The following THSD7B variants were observed in gnomAD, a reference collection of about 807,000 sequenced individuals.
The protein encoded by THSD7B is thrombospondin type 1 domain containing 7B, also known as thrombospondin type-1 domain-containing protein 7B.
THSD7B carries 138 observed loss-of-function variants against 213.6 expected under a neutral mutation model. The ratio of observed to expected loss-of-function variants is 0.65; its 90% CI spans 0.56 to 0.74. The LOEUF (loss-of-function observed/expected upper bound fraction) is 0.74, where lower values mean the gene tolerates loss of function less well. Ranked by LOEUF, THSD7B falls within the 30% of genes least tolerant of loss-of-function variation. The probability of loss-of-function intolerance (pLI) is 0.00; values close to 1 mark genes in which losing one functional copy is unlikely to be tolerated. For synonymous variants in THSD7B, 742 were observed against 687.0 expected (o/e 1.08, Z -1.25); for missense variants, 1,931 against 1,991.5 (o/e 0.97, Z 0.58).
At chr2:137,615,157 C>G (rs564442089) in intron 17 of THSD7B, among the ~76,000 whole-genome samples, 29 of 152,044 alleles carry the variant, frequency 1.9e-4, no homozygotes, top group African/African-American at 6.5e-4. Context: ...ATCCAACATG[C>G]CCTAAAGGAA....
At chr2:137,269,052 C>T (rs1328724289) in intron 10 of THSD7B, among the ~76,000 whole-genome samples, 2 of 152,164 alleles carry the variant, frequency 1.3e-5, no homozygotes, top group East Asian at 1.9e-4. Flanking sequence ...CACATACACA[C>T]ACAAACACAC....
intron 12 of THSD7B, among the ~76,000 whole-genome samples, chr2:137,402,505 T>C (rs1686392734): frequency 6.6e-6 from 1 of 152,008 alleles, no homozygotes; most frequent in South Asian, 2.1e-4. Flanking sequence ...AAATAATTTA[T>C]TATAATTGAA....
At chr2:137,262,295 G>A (rs963681822) in intron 10 of THSD7B, among the ~76,000 whole-genome samples, 1 of 152,028 alleles carries the variant, frequency 6.6e-6, no homozygotes, top group Non-Finnish European at 1.5e-5. Context: ...TATCTTAGAT[G>A]ACATTTGTGC....
At chr2:137,516,810 G>T (rs1314241813) in intron 15 of THSD7B, among the ~76,000 whole-genome samples, 1 of 152,188 alleles carries the variant, frequency 6.6e-6, no homozygotes, top group Non-Finnish European at 1.5e-5. Flanking sequence ...CATTAGAGCT[G>T]CCTCTACCTA....
At chr2:137,484,101 T>C (rs1313120302) in intron 15 of THSD7B, among the ~76,000 whole-genome samples, 1 of 151,758 alleles carries the variant, frequency 6.6e-6, no homozygotes, top group East Asian at 1.9e-4. Context: ...ACATGTGCCA[T>C]GCTGGTGTGC....
At chr2:136,770,986 G>A (rs1681495367) in intron 1 of THSD7B, among the ~76,000 whole-genome samples, 3 of 152,064 alleles carry the variant, frequency 2.0e-5, no homozygotes, top group Non-Finnish European at 4.4e-5. Context: ...AAGAGGAAGA[G>A]CCAAATTTCT....
chr2:137,285,311 G>T (rs879409982), intron 12 of THSD7B, among the ~76,000 whole-genome samples: 6 of 152,040 alleles, frequency 3.9e-5, no homozygotes, highest in Non-Finnish European at 7.3e-5. Context: ...CGTAAGATGG[G>T]TTTCCTGAAT....
At chr2:136,845,903 C>T (rs1243234006) in intron 1 of THSD7B, among the ~76,000 whole-genome samples, 1 of 152,090 alleles carries the variant, frequency 6.6e-6, no homozygotes, top group Non-Finnish European at 1.5e-5. Context: ...ATATAGCTCC[C>T]ACAGTATGTT....
intron 1 of THSD7B, among the ~76,000 whole-genome samples, chr2:136,822,783 A>G (rs1357787627): frequency 6.6e-6 from 1 of 152,204 alleles, no homozygotes; most frequent in African/African-American, 2.4e-5. Context: ...GGAGAGTCCT[A>G]CCTGCATTCA....
At chr2:136,798,039 A>T (rs1682104608) in intron 1 of THSD7B, among the ~76,000 whole-genome samples, 1 of 151,628 alleles carries the variant, frequency 6.6e-6, no homozygotes, top group Admixed American at 6.6e-5. Context: ...TTTCTTTCCC[A>T]TGCTCTCTCT....
At chr2:137,055,073 T>C (rs1415093603) in intron 2 of THSD7B, among the ~76,000 whole-genome samples, 1 of 152,148 alleles carries the variant, frequency 6.6e-6, no homozygotes, top group Non-Finnish European at 1.5e-5. Context: ...AGGATGATGG[T>C]TTCCAGCTTC....
intron 5 of THSD7B, among the ~76,000 whole-genome samples, chr2:137,147,288 A>T (rs960130709): frequency 2.7e-4 from 41 of 152,156 alleles, no homozygotes; most frequent in African/African-American, 9.9e-4. Context: ...GAATGAACTA[A>T]TCTGTATTTT....
intron 2 of THSD7B, among the ~76,000 whole-genome samples, chr2:137,024,921 C>T (rs1468170207): frequency 2.0e-5 from 3 of 152,132 alleles, no homozygotes; most frequent in Non-Finnish European, 4.4e-5. Context: ...AACATCAACA[C>T]CACTATCCTT....
intron 16 of THSD7B, among the ~76,000 whole-genome samples, chr2:137,569,721 G>A (rs1019010952): frequency 2.6e-5 from 4 of 151,972 alleles, no homozygotes; most frequent in Admixed American, 1.3e-4. Flanking sequence ...CCAGGAGCCC[G>A]TCTACTTTCC....
rs148082681 is a variant in THSD7B, at chr2:136,791,535, A to G, written c.-36+25848A>G. On this transcript the variant is annotated intron_variant, in intron 1 of 27. Transcript: ENST00000409968. ...CACAATCACTCTCCCTTTCCTCTCA[A>G]CTCCACTCCCTCCCCCGCCCCCCAT... Among the ~76,000 whole-genome samples the G allele has an allele frequency of 3.3e-5, 5 of 150,306 alleles. No homozygotes were observed. The East Asian group carries it at 7.9e-4, about 24-fold the overall frequency.
chr2:137,136,120 G>A (rs1447860725), intron 5 of THSD7B, among the ~76,000 whole-genome samples: 2 of 152,078 alleles, frequency 1.3e-5, no homozygotes, highest in Admixed American at 6.6e-5. Context: ...CATGGACACA[G>A]GGGAACATCA....
intron 15 of THSD7B, among the ~76,000 whole-genome samples, chr2:137,516,203 A>G (rs944176983): frequency 8.5e-5 from 13 of 152,278 alleles, no homozygotes; most frequent in African/African-American, 3.1e-4. Flanking sequence ...GGTGTTCCTA[A>G]AAGTGAAATT....
At chr2:137,218,103 T>A (rs1681288598) in intron 7 of THSD7B, among the ~76,000 whole-genome samples, 1 of 152,204 alleles carries the variant, frequency 6.6e-6, no homozygotes, top group Admixed American at 6.5e-5. Context: ...ATTGTCAATA[T>A]AATTATTAAT....
At chr2:136,972,102 C>G (rs1382824399) in intron 2 of THSD7B, among the ~76,000 whole-genome samples, 2 of 151,768 alleles carry the variant, frequency 1.3e-5, no homozygotes, top group African/African-American at 4.8e-5. Flanking sequence ...GGTTGCATAT[C>G]TACACCTGCA....
Sources: gnomAD v4.1 joint callset for allele counts (sites outside exome capture counted in the v4.1 genomes callset) on GRCh38, gnomAD v4.1.1 for gene constraint, MANE v1.5 for transcripts, NCBI Gene and HGNC (gene_info 2026-07-23, HGNC 2026-07-21) for gene names.